WASF2: variants seen among roughly 807,000 people sequenced by gnomAD.
WASF2 encodes WASP family member 2, also known as actin-binding protein WASF2.
In WASF2, 14 loss-of-function variants were observed where a neutral mutation model predicts 45.0. The ratio of observed to expected loss-of-function variants is 0.31; its 90% CI spans 0.21 to 0.49. WASF2 has a LOEUF of 0.49. Among genes scored for constraint, WASF2 ranks in the 20% least tolerant of loss-of-function variants. The probability of loss-of-function intolerance (pLI) is 0.99; values close to 1 mark genes in which losing one functional copy is unlikely to be tolerated. For missense variants in WASF2, 439 were observed against 636.1 expected, an observed-to-expected ratio of 0.69 and a Z score of 3.33; for synonymous variants, 200 against 236.3, an observed-to-expected ratio of 0.85 and a Z score of 1.41.
At chr1:27,408,910 G>A (rs1485157882) in intron 8 of WASF2, among the ~76,000 whole-genome samples, 1 of 152,104 alleles carries the variant, frequency 6.6e-6, no homozygotes. Flanking sequence ...CAGGGGGCAA[G>A]GAAGGAAGAC....
At chr1:27,451,632 G>A (rs1483079664) in intron 1 of WASF2, among the ~76,000 whole-genome samples, 1 of 152,056 alleles carries the variant, frequency 6.6e-6, no homozygotes. Context: ...TGTACTACAT[G>A]AGGGAGTGAA....
Position 27,414,565 on chromosome 1 carries a change from T to C in WASF2, c.668+268A>G, listed in dbSNP as rs1357336504. On this transcript the variant is annotated intron_variant, in intron 6 of 8. Transcript: ENST00000618852. This position sits in a 1 kb window ranked among gnomAD's most constrained non-coding sequence, Gnocchi z 4.1. Reference sequence around the variant, plus strand: ...CTTTCCTCTGGGGCCCTTAGATGTGTATCTCGCAGAGTAAGGGCACTAGGA... The same window carrying C: ...CTTTCCTCTGGGGCCCTTAGATGTGCATCTCGCAGAGTAAGGGCACTAGGA... Among the ~76,000 whole-genome samples, 2 of 152,192 alleles carry C rather than the reference T, an allele frequency of 1.3e-5. No individual in the cohort carries two copies. The highest frequency in any genetic ancestry group is 4.8e-5 in the African/African-American group (2 of 41,448).
In WASF2 at chr1:27,407,281, A is replaced by C. The variant is rs2016691324; in HGVS notation, c.*908T>G. ...CTATCCAATTGTGTGACCTTGAGCA[A>C]GTCACTTCCCATCTCTAGGCCTCAG... is the stretch of plus-strand genomic sequence containing the variant. On this transcript the variant is annotated 3_prime_UTR_variant, in exon 9 of 9. Transcript: ENST00000618852. 6.5e-6 allele frequency: 1 copy of C among 152,714 alleles called. No homozygotes were observed. The highest frequency in any genetic ancestry group is 2.4e-5 in the African/African-American group (1 of 41,446). 9.5% of individuals were successfully genotyped at this position (152,714 alleles called of 1,614,324 possible).
intron 1 of WASF2, among the ~76,000 whole-genome samples, chr1:27,430,811 TAAAAA>T (rs1240054656): frequency 7.4e-6 from 1 of 135,638 alleles, no homozygotes; most frequent in East Asian, 2.1e-4. Flanking sequence ...TTTATATATT[TAAAAA>T]AAAAAAAAAG....
At chr1:27,417,593 C>T (rs2016844282) in intron 4 of WASF2, among the ~76,000 whole-genome samples, 1 of 152,146 alleles carries the variant, frequency 6.6e-6, no homozygotes, top group Non-Finnish European at 1.5e-5. Flanking sequence ...ACCTTCTGCC[C>T]CTCTTCAGTG....
chr1:27,436,375 C>A (rs1288787025), intron 1 of WASF2, among the ~76,000 whole-genome samples: 1 of 152,006 alleles, frequency 6.6e-6, no homozygotes, highest in Non-Finnish European at 1.5e-5. Flanking sequence ...ATTGCTTGAG[C>A]CTTGGAGGTT....
intron 1 of WASF2, among the ~76,000 whole-genome samples, chr1:27,489,348 TACACACACACAC>T (rs10636716): frequency 0.01 from 104 of 10,060 alleles, 4 homozygotes; most frequent in African/African-American, 0.038. Flanking sequence ...TACTTCATGG[TACACACACACAC>T]ACACACACAC....
At chr1:27,446,700 G>C (rs1407681345) in intron 1 of WASF2, among the ~76,000 whole-genome samples, 2 of 151,178 alleles carry the variant, frequency 1.3e-5, no homozygotes, top group African/African-American at 4.9e-5. Context: ...TGGATCGCTT[G>C]AGCCTGGGAG....
At chr1:27,483,618 C>T (rs771401824) in intron 1 of WASF2, among the ~76,000 whole-genome samples, 21 of 151,954 alleles carry the variant, frequency 1.4e-4, no homozygotes, top group Non-Finnish European at 2.2e-4. Context: ...CCAGCATGGG[C>T]GGCAGAGTGA....
intron 2 of WASF2, among the ~76,000 whole-genome samples, chr1:27,423,512 A>G (rs2016936570): frequency 6.6e-6 from 1 of 152,190 alleles, no homozygotes; most frequent in Non-Finnish European, 1.5e-5. Context: ...CTTAGAGGAA[A>G]ATTTTAAATA....
At chr1:27,435,587 C>G (rs1045916536) in intron 1 of WASF2, among the ~76,000 whole-genome samples, 1 of 138,148 alleles carries the variant, frequency 7.2e-6, no homozygotes, top group Non-Finnish European at 1.5e-5. Flanking sequence ...TGATATCCAC[C>G]CTACTTTCTG....
At chr1:27,434,472 A>T (rs1232916427) in intron 1 of WASF2, among the ~76,000 whole-genome samples, 1 of 152,168 alleles carries the variant, frequency 6.6e-6, no homozygotes, top group South Asian at 2.1e-4. Context: ...CTGAACACAC[A>T]ATCAGAGGCA....
Position 27,409,165 on chromosome 1 carries a change from C to T in WASF2, c.1339+527G>A, listed in dbSNP as rs560908095. On this transcript the variant is annotated intron_variant, in intron 8 of 8. Coordinates refer to ENST00000618852, the MANE Select transcript of WASF2 (RefSeq NM_006990.5). Reference sequence around the variant, plus strand: ...TTTGGCCGGGCGCGGTGGCTCACGCCTGTAATCCCAGCACTTTGGGAGGCC... The same window carrying T: ...TTTGGCCGGGCGCGGTGGCTCACGCTTGTAATCCCAGCACTTTGGGAGGCC... 2.4e-4 allele frequency among the ~76,000 whole-genome samples: 36 copies of T among 152,224 alleles called. No homozygotes were observed. The South Asian group carries it at 7.2e-3, about 31-fold the overall frequency.
rs1004312036 is a variant in WASF2, at chr1:27,418,867, G to T, written c.265+87C>A. 10 of 1,099,660 alleles carry T rather than the reference G, an allele frequency of 9.1e-6. No homozygotes were observed. In the Admixed American group the frequency reaches 1.4e-4, roughly 15 times the overall value. The allele number at this position is 1,099,660 out of a possible 1,614,324, so 68.1% of individuals were successfully genotyped here. On this transcript the variant is annotated intron_variant, in intron 3 of 8. Transcript: ENST00000618852. Reference sequence around the variant, plus strand: ...AGGTCTCTGTGATTTCTCTCCTCACGTTTTTTTTTTTTTAAATAAATCAGG... The same window carrying T: ...AGGTCTCTGTGATTTCTCTCCTCACTTTTTTTTTTTTTTAAATAAATCAGG...
At chr1:27,445,466 C>G (rs192820120) in intron 1 of WASF2, among the ~76,000 whole-genome samples, 1 of 152,232 alleles carries the variant, frequency 6.6e-6, no homozygotes, top group East Asian at 1.9e-4. Flanking sequence ...TACACAAGTG[C>G]CATCAAATTC....
chr1:27,445,416 C>T (rs1035448614), intron 1 of WASF2, among the ~76,000 whole-genome samples: 6 of 152,160 alleles, frequency 3.9e-5, no homozygotes, highest in African/African-American at 1.2e-4. Flanking sequence ...AACACCCAAA[C>T]TAAGAAGTTA....
chr1:27,468,642 C>CG (rs771107225), intron 1 of WASF2, among the ~76,000 whole-genome samples: 3 of 141,022 alleles, frequency 2.1e-5, no homozygotes, highest in Non-Finnish European at 4.6e-5. Flanking sequence ...ACTCCGTCTC[C>CG]GGGGAAAAAA....
Position 27,407,928 on chromosome 1 carries a change from T to C in WASF2, c.*261A>G, listed in dbSNP as rs146113756. 4.4e-4 allele frequency: 169 copies of C among 380,838 alleles called. 3 individuals carry two copies. In the East Asian group the frequency reaches 7.4e-3, roughly 17 times the overall value. The allele number at this position is 380,838 out of a possible 1,614,324, so 23.6% of individuals were successfully genotyped here. On this transcript the variant is annotated 3_prime_UTR_variant, in exon 9 of 9. Coordinates refer to ENST00000618852, the MANE Select transcript of WASF2 (RefSeq NM_006990.5). ...TTGGGATTTCTCCTTCCTTTCAATA[T>C]GCAACAGGCACTTGAAGGAAAGAGG... is the stretch of plus-strand genomic sequence containing the variant.
chr1:27,487,131 C>T (rs1455769877), intron 1 of WASF2, among the ~76,000 whole-genome samples: 2 of 146,420 alleles, frequency 1.4e-5, no homozygotes, highest in Non-Finnish European at 1.5e-5. Flanking sequence ...GACGGAGTCT[C>T]GCTCTGTCGC....
Sources: allele counts gnomAD v4.1 joint callset (sites outside exome capture counted in the v4.1 genomes callset), GRCh38; gene constraint gnomAD v4.1.1; non-coding constraint Gnocchi (gnomAD v3.1); transcripts MANE v1.5; gene names NCBI Gene and HGNC (gene_info 2026-07-23, HGNC 2026-07-21).